CDH9: variants seen among roughly 807,000 people sequenced by gnomAD.
The protein encoded by CDH9 is cadherin-9.
In CDH9, 28 loss-of-function variants were observed where a neutral mutation model predicts 70.9. The observed-to-expected ratio is 0.40, with a 90% CI of 0.29 to 0.54. The LOEUF (loss-of-function observed/expected upper bound fraction) is 0.54, where lower values mean the gene tolerates loss of function less well. Among genes scored for constraint, CDH9 ranks in the 20% least tolerant of loss-of-function variants. The probability of loss-of-function intolerance (pLI) is 0.59; values close to 1 mark genes in which losing one functional copy is unlikely to be tolerated. For synonymous variants in CDH9, 409 were observed against 343.1 expected (o/e 1.19, Z -2.12); for missense variants, 874 against 984.4 (o/e 0.89, Z 1.50).
intron 11 of CDH9, among the ~76,000 whole-genome samples, chr5:26,882,458 T>C (rs550869907): frequency 6.6e-6 from 1 of 152,230 alleles, no homozygotes; most frequent in East Asian, 1.9e-4. Context: ...ATAATATATT[T>C]TCTTATTTCT....
intron 2 of CDH9, among the ~76,000 whole-genome samples, chr5:26,967,392 AG>A (rs1742147597): frequency 6.6e-6 from 1 of 152,150 alleles, no homozygotes; most frequent in Admixed American, 6.5e-5. Flanking sequence ...CAGGACCAGG[AG>A]TCTGTTGGAC....
chr5:26,935,324 A>G (rs899146714), intron 2 of CDH9, among the ~76,000 whole-genome samples: 1 of 152,176 alleles, frequency 6.6e-6, no homozygotes, highest in South Asian at 2.1e-4. Flanking sequence ...AACATGAGAA[A>G]CAAGGCAAGA....
chr5:26,903,545 G>T, intron 6 of CDH9, 92 bp downstream of exon 6: 1 of 858,324 alleles, frequency 1.2e-6, no homozygotes, highest in Non-Finnish European at 2.0e-6. Context: ...AAAGATGGGG[G>T]AAAATAAATC....
At chr5:26,945,608 T>C (rs1320876263) in intron 2 of CDH9, among the ~76,000 whole-genome samples, 1 of 152,164 alleles carries the variant, frequency 6.6e-6, no homozygotes, top group African/African-American at 2.4e-5. Context: ...AGCTTAAGAA[T>C]CAGTTACCTA....
rs1045591402 is a variant in CDH9 at position 26,985,549 on chromosome 5, C to T, written c.228+2557G>A. 3.0e-4 allele frequency among the ~76,000 whole-genome samples: 45 copies of T among 152,178 alleles called. 1 individual carries two copies. The highest frequency in any genetic ancestry group is 3.4e-3 in the Middle Eastern group (1 of 294). ...ATTCAGGATCAAACCCTCGTTTTAACCTTTAAAAATATATCTTCCCAATTT... is the reference window on the plus strand; with the variant it reads ...ATTCAGGATCAAACCCTCGTTTTAATCTTTAAAAATATATCTTCCCAATTT... On this transcript the variant is annotated intron_variant, in intron 2 of 11. Transcript: ENST00000231021.
intron 2 of CDH9, among the ~76,000 whole-genome samples, chr5:26,977,164 A>G (rs1205658684): frequency 6.6e-6 from 1 of 152,046 alleles, no homozygotes; most frequent in Admixed American, 6.6e-5. Flanking sequence ...TCAAAATTCA[A>G]TGCAAGATTA....
chr5:26,969,866 C>T (rs987793787), intron 2 of CDH9, among the ~76,000 whole-genome samples: 1 of 4,264 alleles, frequency 2.3e-4, no homozygotes, highest in Non-Finnish European at 7.7e-3. Context: ...ATTTTACTGG[C>T]TGGTTAAAAA....
intron 7 of CDH9, among the ~76,000 whole-genome samples, chr5:26,899,837 A>G (rs1317654260): frequency 6.6e-6 from 1 of 151,890 alleles, no homozygotes; most frequent in Non-Finnish European, 1.5e-5. Flanking sequence ...CCTGCCGGTT[A>G]AACACATGTA....
Position 26,988,480 on chromosome 5 carries a change from T to G in CDH9, c.-49-98A>C, listed in dbSNP as rs1020260383. Reference sequence around the variant, plus strand: ...ACTTATTCCAGACATTATTTAAATTTTATTATGTACTATATATACATTATA... The same window carrying G: ...ACTTATTCCAGACATTATTTAAATTGTATTATGTACTATATATACATTATA... On this transcript the variant is annotated intron_variant, in intron 1 of 11. Coordinates refer to ENST00000231021, the MANE Select transcript of CDH9 (RefSeq NM_016279.4). 3.7e-6 allele frequency: 4 copies of G among 1,084,368 alleles called. No individual in the cohort carries two copies. In the East Asian group the frequency reaches 8.0e-5, roughly 22 times the overall value. The allele number at this position is 1,084,368 out of a possible 1,614,324, so 67.2% of individuals were successfully genotyped here.
intron 5 of CDH9, among the ~76,000 whole-genome samples, chr5:26,905,730 T>G (rs191779916): frequency 6.6e-6 from 1 of 152,286 alleles, no homozygotes; most frequent in Admixed American, 6.5e-5. Context: ...CCAGAGAAGC[T>G]TAATACTTTG....
intron 1 of CDH9, among the ~76,000 whole-genome samples, chr5:27,019,487 A>T (rs992330300): frequency 1.3e-5 from 2 of 152,000 alleles, no homozygotes; most frequent in Admixed American, 1.3e-4. Context: ...CTAGTCTATC[A>T]TTAGAAAATA....
At chr5:26,906,627 T>C in intron 4 of CDH9, 92 bp downstream of exon 4, 4 of 1,473,352 alleles carry the variant, frequency 2.7e-6, no homozygotes, top group African/African-American at 2.8e-5. Context: ...ACTGAAAGAA[T>C]AATGGTTTTA....
chr5:26,882,105 G>A (rs1429414777), intron 11 of CDH9, among the ~76,000 whole-genome samples: 1 of 151,884 alleles, frequency 6.6e-6, no homozygotes, highest in African/African-American at 2.4e-5. Context: ...TATATATTAT[G>A]AGTGTACATA....
At chr5:26,979,687 C>A (rs770526445) in intron 2 of CDH9, among the ~76,000 whole-genome samples, 1 of 151,638 alleles carries the variant, frequency 6.6e-6, no homozygotes, top group Non-Finnish European at 1.5e-5. Flanking sequence ...AGGCTGAGAG[C>A]AAGAGAATGA....
intron 2 of CDH9, among the ~76,000 whole-genome samples, chr5:26,924,634 G>A (rs893945929): frequency 6.6e-6 from 1 of 151,772 alleles, no homozygotes; most frequent in African/African-American, 2.4e-5. Context: ...GTGCCATGTT[G>A]GTTTGCTGCA....
chr5:26,972,287 C>T (rs1479647217), intron 2 of CDH9, among the ~76,000 whole-genome samples: 9 of 152,012 alleles, frequency 5.9e-5, no homozygotes, highest in East Asian at 1.9e-4. Context: ...AATATGCAAC[C>T]GTATTTTGGA....
intron 1 of CDH9, among the ~76,000 whole-genome samples, chr5:26,997,393 A>G (rs1742684901): frequency 6.6e-6 from 1 of 152,156 alleles, no homozygotes; most frequent in African/African-American, 2.4e-5. Context: ...AAAATTGTAT[A>G]TGGTCTTCCA....
rs1367898081 is a variant in CDH9, at chr5:26,903,741, C to G, written c.895G>C (p.Glu299Gln). 1.2e-6 allele frequency: 2 copies of G among 1,606,768 alleles called. No individual in the cohort carries two copies. The highest frequency in any genetic ancestry group is 2.7e-5 in the African/African-American group (2 of 74,584). ...RIKANDPDVG[E>Q]NAEMEYSIAE... ...ATGCTATACTCCATTTCTGCATTTT[C>G]CCCCACGTCAGGGTCATTGGCTTTT... Residue 299 changes from glutamate (E) to glutamine (Q), a missense_variant, in exon 6 of 12, where the codon GAA becomes CAA. Physicochemically the swap from Glu to Gln is conservative, Grantham distance 29. Coordinates refer to ENST00000231021, the MANE Select transcript of CDH9 (RefSeq NM_016279.4).
chr5:27,035,171 G>GTA (rs35693444), intron 1 of CDH9, among the ~76,000 whole-genome samples: 50,749 of 143,058 alleles, frequency 0.35, 9,766 homozygotes, highest in Non-Finnish European at 0.44. Flanking sequence ...TATTGCATAT[G>GTA]TATATATATA....
Sources: gnomAD v4.1 joint callset for allele counts (sites outside exome capture counted in the v4.1 genomes callset) on GRCh38, gnomAD v4.1.1 for gene constraint, MANE v1.5 for transcripts, NCBI Gene and HGNC (gene_info 2026-07-23, HGNC 2026-07-21) for gene names.